The following BCL2L1 variants were observed in gnomAD, a reference collection of about 807,000 sequenced individuals.
BCL2L1 encodes the protein BCL2 like 1.
Under a neutral mutation model 18.7 loss-of-function variants are expected in BCL2L1, and 1 was observed. The observed-to-expected ratio is 0.05, with a 90% CI of 0.02 to 0.25. The LOEUF (loss-of-function observed/expected upper bound fraction) is 0.25, where lower values mean the gene tolerates loss of function less well. Ranked by LOEUF, BCL2L1 falls within the 10% of genes least tolerant of loss-of-function variation. BCL2L1 has a pLI of 1.00. For synonymous variants in BCL2L1, 103 were observed against 122.7 expected, an observed-to-expected ratio of 0.84 and a Z score of 1.06; for missense variants, 207 against 304.9, an observed-to-expected ratio of 0.68 and a Z score of 2.39.
chr20:31,706,485 T>A (rs1471637613), intron 2 of BCL2L1, among the ~76,000 whole-genome samples: 1 of 152,254 alleles, frequency 6.6e-6, no homozygotes, highest in Non-Finnish European at 1.5e-5. Context: ...ATCCAGTCAC[T>A]AAACACTCAG....
intron 2 of BCL2L1, among the ~76,000 whole-genome samples, chr20:31,712,813 C>A (rs181031414): frequency 1.3e-5 from 2 of 152,142 alleles, no homozygotes; most frequent in Admixed American, 1.3e-4. Flanking sequence ...GAATGTTTCC[C>A]TTTCAAGAGA....
intron 2 of BCL2L1, among the ~76,000 whole-genome samples, chr20:31,711,768 G>T (rs2061455852): frequency 6.6e-6 from 1 of 152,126 alleles, no homozygotes; most frequent in African/African-American, 2.4e-5. Context: ...TTCCCCTCTG[G>T]AAACAGGGCT....
upstream of BCL2L1, chr20:31,723,882 C>T (rs994216514): frequency 7.1e-6 from 7 of 985,240 alleles, no homozygotes; most frequent in African/African-American, 1.2e-4. Context: ...CTGCTCGCGC[C>T]GTCTCTCCCG....
chr20:31,694,067 G>GTTCTCTCCCTC (rs1348219523), intron 2 of BCL2L1, among the ~76,000 whole-genome samples: 65 of 152,274 alleles, frequency 4.3e-4, no homozygotes, highest in African/African-American at 1.5e-3. Flanking sequence ...TGGGTGGGAG[G>GTTCTCTCCCTC]GCAGGCAGCA....
At chr20:31,694,842 G>A (rs1195552534) in intron 2 of BCL2L1, among the ~76,000 whole-genome samples, 1 of 152,068 alleles carries the variant, frequency 6.6e-6, no homozygotes, top group Non-Finnish European at 1.5e-5. Flanking sequence ...GATAGAGGCG[G>A]GAGGATCACT....
chr20:31,687,210 G>A (rs1368415117), intron 2 of BCL2L1, among the ~76,000 whole-genome samples: 2 of 152,080 alleles, frequency 1.3e-5, no homozygotes, highest in Non-Finnish European at 2.9e-5. Flanking sequence ...TCTTGCACAT[G>A]GCAGGCACTC....
upstream of BCL2L1, chr20:31,722,968 T>C (rs2061661726): frequency 6.6e-6 from 1 of 152,196 alleles, no homozygotes; most frequent in Admixed American, 6.5e-5. Context: ...GAGCCAGGAG[T>C]ACTCTCCCGG....
intron 2 of BCL2L1, among the ~76,000 whole-genome samples, chr20:31,683,826 G>GGCAGGTA: frequency 7.0e-6 from 1 of 143,746 alleles, no homozygotes; most frequent in East Asian, 2.1e-4. Context: ...ACTTCATGAA[G>GGCAGGTA]GCAGGTATCC....
At chr20:31,673,584 G>A (rs1429297404) in intron 2 of BCL2L1, among the ~76,000 whole-genome samples, 1 of 151,924 alleles carries the variant, frequency 6.6e-6, no homozygotes, top group South Asian at 2.1e-4. Context: ...TGGGAGGTCA[G>A]GGCTGCATTG....
chr20:31,668,013 C>G (rs1028132169), intron 2 of BCL2L1, among the ~76,000 whole-genome samples: 5 of 152,148 alleles, frequency 3.3e-5, no homozygotes, highest in Admixed American at 2.6e-4. Context: ...CTCTGGCCAG[C>G]AAGGTCTAGT....
chr20:31,667,154 A>ACC (rs1336922563), intron 2 of BCL2L1, among the ~76,000 whole-genome samples: 11 of 151,566 alleles, frequency 7.3e-5, no homozygotes, highest in Non-Finnish European at 4.4e-5. Flanking sequence ...GCACCTAGAA[A>ACC]TATGTAAGAA....
chr20:31,722,793 C>T lies in BCL2L1; in HGVS notation c.-306G>A, dbSNP rs1347044734. 1 of 152,256 alleles carries T rather than the reference C, an allele frequency of 6.6e-6. No homozygotes were observed. The highest frequency in any genetic ancestry group is 1.5e-5 in the Non-Finnish European group (1 of 68,050). The allele number at this position is 152,256 out of a possible 1,614,324, so 9.4% of individuals were successfully genotyped here. On this transcript the variant is annotated 5_prime_UTR_variant, in exon 1 of 3. Transcript: ENST00000307677. ...CATGCGACCCGGCAGGCTGGGAGCC[C>T]AGAAGGCGACACAGGAATTGCGAAG...
intron 2 of BCL2L1, among the ~76,000 whole-genome samples, chr20:31,687,011 T>C (rs1170580366): frequency 6.6e-6 from 1 of 152,188 alleles, no homozygotes; most frequent in Admixed American, 6.6e-5. Context: ...AGAAGGATTA[T>C]TGTGAAGATT....
chr20:31,707,644 G>A (rs185374882), intron 2 of BCL2L1, among the ~76,000 whole-genome samples: 1,888 of 152,116 alleles, frequency 0.012, 21 homozygotes, highest in South Asian at 0.039. Context: ...TGGGCGTGGT[G>A]GCGCATGCCT....
intron 2 of BCL2L1, among the ~76,000 whole-genome samples, chr20:31,690,334 TTCCACC>T (rs1310394420): frequency 2.6e-5 from 4 of 152,208 alleles, no homozygotes; most frequent in African/African-American, 7.2e-5. Context: ...CAAGCCATCC[TTCCACC>T]TCAGCCTCCC....
In BCL2L1 at chr20:31,665,594, G is replaced by C. The variant is rs538525918; in HGVS notation, c.*355C>G. The C allele has an allele frequency of 4.0e-6, 1 of 252,462 alleles. No individual in the cohort carries two copies. Among genetic ancestry groups the C allele is most frequent in the African/African-American group, 2.2e-5 (1 of 45,012 alleles). 15.6% of individuals were successfully genotyped at this position (252,462 alleles called of 1,614,324 possible). On this transcript the variant is annotated 3_prime_UTR_variant, in exon 3 of 3. Transcript: ENST00000307677. ...GGGAAGAGGTTCTGAAAACTTTCAA[G>C]CTCCCTGGCAGAAAAACATTTTCAG...
chr20:31,723,676 C>T, upstream of BCL2L1: 25 of 985,548 alleles, frequency 2.5e-5, no homozygotes, highest in Non-Finnish European at 3.0e-5. Flanking sequence ...GGAAGCGGGA[C>T]GGCGAAGGCT....
chr20:31,686,327 G>A (rs1214539183), intron 2 of BCL2L1: 2 of 152,232 alleles, frequency 1.3e-5, no homozygotes, highest in East Asian at 1.9e-4. Context: ...AGATGTGGAT[G>A]CAGCACAAAT....
chr20:31,703,124 AACCTCC>A (rs941467398), intron 2 of BCL2L1, among the ~76,000 whole-genome samples: 2 of 151,452 alleles, frequency 1.3e-5, no homozygotes, highest in African/African-American at 4.9e-5. Flanking sequence ...GGCTCACTGC[AACCTCC>A]ACCTCCTGGG....
Sources: gnomAD v4.1 joint callset for allele counts (sites outside exome capture counted in the v4.1 genomes callset) on GRCh38, gnomAD v4.1.1 for gene constraint, MANE v1.5 for transcripts, NCBI Gene and HGNC (gene_info 2026-07-23, HGNC 2026-07-21) for gene names.